Variants in TTC9 observed in about 807,000 individuals in gnomAD.
The protein encoded by TTC9 is tetratricopeptide repeat protein 9A.
TTC9 carries 13 observed loss-of-function variants against 22.9 expected under a neutral mutation model. The ratio of observed to expected loss-of-function variants is 0.57; its 90% CI spans 0.37 to 0.90. The LOEUF (loss-of-function observed/expected upper bound fraction) is 0.90, where lower values mean the gene tolerates loss of function less well. TTC9 is among the 40% of genes least tolerant of loss of function. The pLI, the probability that TTC9 is intolerant of heterozygous loss-of-function variation, is 0.01. For synonymous variants in TTC9, 148 were observed against 133.2 expected, an observed-to-expected ratio of 1.11 and a Z score of -0.77; for missense variants, 280 against 291.8, an observed-to-expected ratio of 0.96 and a Z score of 0.29.
intron 1 of TTC9, among the ~76,000 whole-genome samples, chr14:70,651,497 A>G (rs946584572): frequency 1.3e-5 from 2 of 152,024 alleles, no homozygotes; most frequent in African/African-American, 4.8e-5. Flanking sequence ...GTCAAGCAAC[A>G]TTATCCCACA....
chr14:70,649,959 G>A (rs1203416218), intron 1 of TTC9, among the ~76,000 whole-genome samples: 2 of 152,140 alleles, frequency 1.3e-5, no homozygotes, highest in African/African-American at 4.8e-5. Context: ...TGGACAGTGG[G>A]GAGTGAGAAG....
chr14:70,655,574 A>G lies in TTC9; in HGVS notation c.407-11990A>G, dbSNP rs371736548. Among the ~76,000 whole-genome samples the G allele has an allele frequency of 2.0e-5, 3 of 152,044 alleles. No homozygotes were observed. The East Asian group carries it at 5.8e-4, about 29-fold the overall frequency. On this transcript the variant is annotated intron_variant, in intron 1 of 2. Coordinates refer to ENST00000256367, the MANE Select transcript of TTC9 (RefSeq NM_015351.2). Reference sequence around the variant, plus strand: ...AACCCCCTTCAGGTCTACCTTTCCCAGTGTATTTAGGAAACAAGGGGTTGT... The same window carrying G: ...AACCCCCTTCAGGTCTACCTTTCCCGGTGTATTTAGGAAACAAGGGGTTGT...
chr14:70,665,283 G>A (rs1886199065), intron 1 of TTC9, among the ~76,000 whole-genome samples: 1 of 152,128 alleles, frequency 6.6e-6, no homozygotes, highest in South Asian at 2.1e-4. Flanking sequence ...GGGAGCAGGT[G>A]CTGGAGCCAA....
chr14:70,648,310 G>C (rs1056484607), intron 1 of TTC9, among the ~76,000 whole-genome samples: 1 of 152,180 alleles, frequency 6.6e-6, no homozygotes, highest in African/African-American at 2.4e-5. Context: ...ATTGAAACTT[G>C]CAGAATGCTT....
intron 2 of TTC9, among the ~76,000 whole-genome samples, chr14:70,668,118 T>C (rs566112017): frequency 5.9e-5 from 9 of 152,336 alleles, no homozygotes; most frequent in Admixed American, 1.3e-4. Flanking sequence ...CATGAGGCGC[T>C]CACATCTGGT....
intron 1 of TTC9, among the ~76,000 whole-genome samples, chr14:70,657,968 A>G (rs1465122436): frequency 1.4e-5 from 2 of 146,916 alleles, no homozygotes; most frequent in East Asian, 3.9e-4. Flanking sequence ...TCCATCTCAA[A>G]CAAACAAACA....
rs1886318875 is a variant in TTC9, at chr14:70,673,050, C to T, written c.*1895C>T. On this transcript the variant is annotated 3_prime_UTR_variant, in exon 3 of 3. Transcript: ENST00000256367. ...CCCCAAAAGACCAGAGGCCAGAATC[C>T]CTAGTAGTCAGAGCAGTGACAGGTC... The T allele has an allele frequency of 6.6e-6, 1 of 152,178 alleles. No individual in the cohort carries two copies. The highest frequency in any genetic ancestry group is 2.4e-5 in the African/African-American group (1 of 41,426). The allele number at this position is 152,178 out of a possible 1,614,324, so 9.4% of individuals were successfully genotyped here.
In TTC9 at chr14:70,664,385, A is replaced by G. The variant is rs1015122637; in HGVS notation, c.407-3179A>G. 4.6e-5 allele frequency among the ~76,000 whole-genome samples: 7 copies of G among 151,460 alleles called. No homozygotes were observed. The East Asian group carries it at 1.4e-3, about 29-fold the overall frequency. ...ATCACCTGCAGGTAGCGCTGAGGCCAGCCTCCAGCCTGGCTGTCACCCCCT... is the reference window on the plus strand; with the variant it reads ...ATCACCTGCAGGTAGCGCTGAGGCCGGCCTCCAGCCTGGCTGTCACCCCCT... On this transcript the variant is annotated intron_variant, in intron 1 of 2. Transcript: ENST00000256367.
chr14:70,652,913 A>G (rs1886006461), intron 1 of TTC9, among the ~76,000 whole-genome samples: 2 of 152,228 alleles, frequency 1.3e-5, no homozygotes, highest in Non-Finnish European at 2.9e-5. Flanking sequence ...TAGAACACAC[A>G]GGAAAAGATA....
At chr14:70,666,389 T>C (rs1886215779) in intron 1 of TTC9, among the ~76,000 whole-genome samples, 1 of 152,174 alleles carries the variant, frequency 6.6e-6, no homozygotes, top group Non-Finnish European at 1.5e-5. Flanking sequence ...GTGGCTTGTA[T>C]GAGCTGGTCA....
In TTC9 at chr14:70,671,884, G is replaced by A. The variant is rs1218685516; in HGVS notation, c.*729G>A. The stretch of plus-strand genomic sequence containing the variant: ...GGCAGCTGTGACCGCAGAAGGGCAG[G>A]ATGAAGTGGGCCAAGGTTTGGGACA... On this transcript the variant is annotated 3_prime_UTR_variant, in exon 3 of 3. Coordinates refer to ENST00000256367, the MANE Select transcript of TTC9 (RefSeq NM_015351.2). The A allele has an allele frequency of 1.3e-5, 2 of 152,708 alleles. No homozygotes were observed. Among genetic ancestry groups the A allele is most frequent in the African/African-American group, 4.8e-5 (2 of 41,466 alleles). The allele number at this position is 152,708 out of a possible 1,614,324, so 9.5% of individuals were successfully genotyped here.
chr14:70,658,657 C>T (rs1886099163), intron 1 of TTC9, among the ~76,000 whole-genome samples: 2 of 152,080 alleles, frequency 1.3e-5, no homozygotes, highest in Admixed American at 1.3e-4. Context: ...AAAACTGAAG[C>T]CAACATCATA....
chr14:70,656,019 G>A (rs544121519), intron 1 of TTC9, among the ~76,000 whole-genome samples: 1 of 151,988 alleles, frequency 6.6e-6, no homozygotes, highest in East Asian at 1.9e-4. Flanking sequence ...AGCAGTCTGG[G>A]CATCTTTTCA....
intron 1 of TTC9, among the ~76,000 whole-genome samples, chr14:70,653,170 C>T (rs1886010598): frequency 6.6e-6 from 1 of 152,194 alleles, no homozygotes; most frequent in Non-Finnish European, 1.5e-5. Context: ...GTGCCTGGCT[C>T]ATAACAGATG....
chr14:70,649,791 A>C (rs1042968453), intron 1 of TTC9, among the ~76,000 whole-genome samples: 5 of 152,216 alleles, frequency 3.3e-5, no homozygotes, highest in Admixed American at 6.5e-5. Flanking sequence ...TCCTTCTGGC[A>C]GTTAGACATC....
At chr14:70,655,570 T>TC (rs1216215463) in intron 1 of TTC9, among the ~76,000 whole-genome samples, 6 of 152,188 alleles carry the variant, frequency 3.9e-5, no homozygotes, top group Admixed American at 2.0e-4. Context: ...GGTCTACCTT[T>TC]CCCAGTGTAT....
chr14:70,662,470 G>T (rs1375968312), intron 1 of TTC9, among the ~76,000 whole-genome samples: 1 of 150,634 alleles, frequency 6.6e-6, no homozygotes, highest in Non-Finnish European at 1.5e-5. Flanking sequence ...TCTTACAGAA[G>T]CCCTCTTGAT....
intron 2 of TTC9, among the ~76,000 whole-genome samples, chr14:70,668,981 C>A (rs950681875): frequency 2.0e-5 from 3 of 151,798 alleles, no homozygotes; most frequent in Admixed American, 6.6e-5. Context: ...ATGGTGAAAC[C>A]CCGTCTCTAC....
At chr14:70,668,415 AG>A (rs964642067) in intron 2 of TTC9, among the ~76,000 whole-genome samples, 2 of 152,224 alleles carry the variant, frequency 1.3e-5, no homozygotes, top group Non-Finnish European at 2.9e-5. Flanking sequence ...AAGTGTGGAG[AG>A]GGGACAGAAC....
Sources: allele counts gnomAD v4.1 joint callset (sites outside exome capture counted in the v4.1 genomes callset), GRCh38; gene constraint gnomAD v4.1.1; transcripts MANE v1.5; gene names NCBI Gene and HGNC (gene_info 2026-07-23, HGNC 2026-07-21).